The following ZNF638 variants were observed in gnomAD, a reference collection of about 807,000 sequenced individuals.
The protein encoded by ZNF638 is zinc finger protein 638.
ZNF638 carries 46 observed loss-of-function variants against 195.6 expected under a neutral mutation model. The observed-to-expected ratio is 0.24, with a 90% CI of 0.19 to 0.30. ZNF638 has a LOEUF of 0.30. Ranked by LOEUF, ZNF638 falls within the 10% of genes least tolerant of loss-of-function variation. The pLI is 1.00. For synonymous variants in ZNF638, 845 were observed against 772.0 expected (o/e 1.09, Z -1.57); for missense variants, 2,440 against 2,325.3 (o/e 1.05, Z -1.01).
intron 10 of ZNF638, among the ~76,000 whole-genome samples, chr2:71,385,559 C>A (rs2079619981): frequency 6.6e-6 from 1 of 151,936 alleles, no homozygotes; most frequent in Admixed American, 6.6e-5. Flanking sequence ...ATGAAGGAAC[C>A]ATTCTGTATC....
At chr2:71,353,140 T>C (rs1278224860) in intron 2 of ZNF638, among the ~76,000 whole-genome samples, 2 of 152,350 alleles carry the variant, frequency 1.3e-5, no homozygotes, top group South Asian at 2.1e-4. Context: ...AAATTACCAA[T>C]TGTAAACTTT....
intron 10 of ZNF638, among the ~76,000 whole-genome samples, chr2:71,393,954 T>C (rs559241211): frequency 2.0e-5 from 3 of 152,172 alleles, no homozygotes; most frequent in Admixed American, 2.0e-4. Flanking sequence ...TGGCTACAAA[T>C]GGCAAAGGAA....
intron 23 of ZNF638, 96 bp downstream of exon 23, chr2:71,424,811 A>AC: frequency 1.1e-6 from 1 of 923,890 alleles, no homozygotes; most frequent in Non-Finnish European, 1.7e-6. Flanking sequence ...AATGTTAGTG[A>AC]CTAAGAGTTT....
chr2:71,423,328 T>C lies in ZNF638; in HGVS notation c.3814T>C (p.Ser1272Pro), dbSNP rs1261036152. 2.5e-6 allele frequency: 4 copies of C among 1,613,874 alleles called. No homozygotes were observed. The highest frequency in any genetic ancestry group is 3.4e-6 in the Non-Finnish European group (4 of 1,179,994). Residue 1272 changes from serine to proline, a missense_variant, in exon 22 of 28, where the codon TCG becomes CCG. Around this residue, in one of 5 missense-constraint regions of ZNF638, gnomAD observed 1,883 missense variants for 1,739.1 expected, o/e 1.08. Transcript: ENST00000264447. Reference sequence around the variant, plus strand: ...TGAAGTAGAAAAAAATGAAACTGTTTCGGAAATATTGCCATCAACTTGTAT... The same window carrying C: ...TGAAGTAGAAAAAAATGAAACTGTTCCGGAAATATTGCCATCAACTTGTAT... ...VAEVEKNETVSEILPSTCIVT... is the reference protein window; with the variant it reads ...VAEVEKNETVPEILPSTCIVT...
chr2:71,380,526 G>C lies in ZNF638; in HGVS notation c.2338G>C (p.Ala780Pro), dbSNP rs144800862. The C allele has an allele frequency of 1.8e-5, 29 of 1,604,776 alleles. No individual in the cohort carries two copies. Among genetic ancestry groups the C allele is most frequent in the Non-Finnish European group, 2.1e-5 (25 of 1,176,594 alleles). Residue 780 changes from alanine (A) to proline (P), a missense_variant, in exon 10 of 28, where the codon GCT (alanine) becomes CCT (proline). Physicochemically the swap from Ala to Pro is conservative, Grantham distance 27. Around this residue, in one of 5 missense-constraint regions of ZNF638, gnomAD observed 1,883 missense variants for 1,739.1 expected, o/e 1.08. Transcript: ENST00000264447. ...SASTLKRDAD[A>P]SKAVEIVTST... is the part of the protein sequence containing the mutation. ...CCTTTTAAATAGAAGAGATGCAGAT[G>C]CTTCAAAAGCTGTTGAAATTGTTAC...
intron 11 of ZNF638, 112 bp downstream of exon 11, chr2:71,396,303 A>G: frequency 3.8e-6 from 3 of 795,746 alleles, no homozygotes; most frequent in Non-Finnish European, 6.0e-6. Context: ...TATTGAATGC[A>G]TGCTAATCTT....
chr2:71,364,987 T>C (rs191191641), intron 5 of ZNF638, among the ~76,000 whole-genome samples: 3 of 152,320 alleles, frequency 2.0e-5, no homozygotes, highest in East Asian at 1.9e-4. Context: ...GAAGGTACTA[T>C]AGTGCTACAC....
At chr2:71,370,831 A>G (rs2079297238) in intron 8 of ZNF638, among the ~76,000 whole-genome samples, 1 of 152,232 alleles carries the variant, frequency 6.6e-6, no homozygotes, top group Admixed American at 6.5e-5. Flanking sequence ...TGTGTATCAA[A>G]TAATCCAGTT....
chr2:71,381,178 T>G (rs1294661383), intron 10 of ZNF638, among the ~76,000 whole-genome samples: 1 of 152,052 alleles, frequency 6.6e-6, no homozygotes, highest in Non-Finnish European at 1.5e-5. Context: ...AATAAACAGC[T>G]CGATAGTGAA....
At chr2:71,342,218 C>CAAAAAA (rs70959232) in intron 1 of ZNF638, among the ~76,000 whole-genome samples, 10 of 99,208 alleles carry the variant, frequency 1.0e-4, no homozygotes, top group South Asian at 3.7e-4. Flanking sequence ...GACTCTGTCT[C>CAAAAAA]AAAAAAAAAA....
chr2:71,433,153 C>G lies in ZNF638; in HGVS notation c.5753-12C>G. The G allele has an allele frequency of 6.5e-7, 1 of 1,532,688 alleles. No individual in the cohort carries two copies. Among genetic ancestry groups the G allele is most frequent in the Non-Finnish European group, 9.0e-7 (1 of 1,107,206 alleles). The allele number at this position is 1,532,688 out of a possible 1,614,324, so 94.9% of individuals were successfully genotyped here. A position where few individuals can be genotyped will look rare whatever the true frequency, so the allele number is the denominator to read the frequency against. ...ATTGTTAATTTTCTTCTTGTCTCTT[C>G]TTATCCTCTAGAATTAGACTTTCTT... On this transcript the variant is annotated splice_polypyrimidine_tract_variant and intron_variant, in intron 26 of 27. Transcript: ENST00000264447.
chr2:71,428,050 G>C (rs528299990), intron 24 of ZNF638, among the ~76,000 whole-genome samples: 50 of 152,042 alleles, frequency 3.3e-4, no homozygotes, highest in Non-Finnish European at 1.0e-4. Context: ...AAATGAGCCA[G>C]GCACGGTGGC....
intron 10 of ZNF638, among the ~76,000 whole-genome samples, chr2:71,389,917 C>G (rs1361943613): frequency 6.6e-6 from 1 of 152,176 alleles, no homozygotes. Flanking sequence ...AGGGAACTTA[C>G]ACGAGCACGT....
intron 24 of ZNF638, among the ~76,000 whole-genome samples, chr2:71,427,749 C>A (rs1271659394): frequency 1.3e-5 from 2 of 152,202 alleles, no homozygotes; most frequent in Non-Finnish European, 2.9e-5. Flanking sequence ...AGAACATTTA[C>A]ATCAGATTAC....
At chr2:71,432,440 G>A (rs1385245004) in intron 26 of ZNF638, among the ~76,000 whole-genome samples, 1 of 152,158 alleles carries the variant, frequency 6.6e-6, no homozygotes, top group African/African-American at 2.4e-5. Flanking sequence ...AGCTCAAGCA[G>A]TCTGTCCGCC....
At position 71,334,107 on chromosome 2, in the gene ZNF638, AT is replaced by A. The variant is rs546193326; in HGVS notation, c.-203+2233del. On this transcript the variant is annotated intron_variant, in intron 1 of 27. Transcript: ENST00000264447. ...TTATCAATATATATTGTAACCATTT[AT>A]ATGATTGTTACGTTAGTCTTTGTAT... Among the ~76,000 whole-genome samples, 12 of 152,294 alleles carry A rather than the reference AT, an allele frequency of 7.9e-5. No homozygotes were observed. In the East Asian group the frequency reaches 2.3e-3, roughly 29 times the overall value.
chr2:71,389,359 A>G (rs1007431423), intron 10 of ZNF638, among the ~76,000 whole-genome samples: 5 of 152,226 alleles, frequency 3.3e-5, no homozygotes, highest in African/African-American at 1.2e-4. Flanking sequence ...AAAGATAAGA[A>G]AAAGCATCAG....
At chr2:71,336,100 G>A (rs1026994283) in intron 1 of ZNF638, among the ~76,000 whole-genome samples, 1 of 152,084 alleles carries the variant, frequency 6.6e-6, no homozygotes, top group South Asian at 2.1e-4. Context: ...GCCGGGGCAC[G>A]GTGGCTCACG....
chr2:71,374,014 T>G (rs12373702), intron 8 of ZNF638: 14,999 of 152,178 alleles, frequency 0.099, 803 homozygotes, highest in Non-Finnish European at 0.12. Flanking sequence ...TTTGTAGATA[T>G]GAGGTTTCAC....
Sources: allele counts gnomAD v4.1 joint callset (sites outside exome capture counted in the v4.1 genomes callset), GRCh38; gene constraint gnomAD v4.1.1; regional missense constraint gnomAD v4.1.1; transcripts MANE v1.5; gene names NCBI Gene and HGNC (gene_info 2026-07-23, HGNC 2026-07-21).